RSF1: variants seen among roughly 807,000 people sequenced by gnomAD.
The protein encoded by RSF1 is remodeling and spacing factor 1.
In RSF1, 13 loss-of-function variants were observed where a neutral mutation model predicts 145.2. The ratio of observed to expected loss-of-function variants is 0.09; its 90% CI spans 0.06 to 0.14. The LOEUF (loss-of-function observed/expected upper bound fraction) is 0.14. RSF1 is among the 10% of genes least tolerant of loss of function. RSF1 has a pLI of 1.00. For synonymous variants in RSF1, 577 were observed against 592.6 expected (o/e 0.97, Z 0.38); for missense variants, 1,517 against 1,718.2 (o/e 0.88, Z 2.07).
intron 5 of RSF1, 124 bp downstream of exon 5, chr11:77,725,421 C>T (rs1961030474): frequency 6.2e-6 from 5 of 807,356 alleles, no homozygotes; most frequent in Non-Finnish European, 8.5e-6. Context: ...AATCAACCTC[C>T]TTTTATAAGA....
intron 1 of RSF1, among the ~76,000 whole-genome samples, chr11:77,766,517 G>C (rs1487666932): frequency 6.6e-6 from 1 of 152,144 alleles, no homozygotes. Flanking sequence ...GGGGGTGGGA[G>C]TGGGGAACAG....
the RSF1 span, among the ~76,000 whole-genome samples, chr11:77,831,738 C>A: frequency 6.6e-6 from 1 of 151,096 alleles, no homozygotes; most frequent in Non-Finnish European, 1.5e-5. Context: ...CTCTGTCACC[C>A]AGGCTGGAGT....
chr11:77,756,362 A>G lies in RSF1; in HGVS notation c.279+8236T>C, dbSNP rs1041979950. 4.2e-3 allele frequency among the ~76,000 whole-genome samples: 642 copies of G among 151,372 alleles called. 2 individuals are homozygous for G. The highest frequency in any genetic ancestry group is 0.015 in the African/African-American group (609 of 41,434). On this transcript the variant is annotated intron_variant, in intron 2 of 15. Transcript: ENST00000308488. Reference sequence around the variant, plus strand: ...AACAAGAGCAAAACTCTGTCTCAAAAAAAAAAAAAAAAAAGAAAAACTTTT... The same window carrying G: ...AACAAGAGCAAAACTCTGTCTCAAAGAAAAAAAAAAAAAAGAAAAACTTTT...
At chr11:77,711,926 T>C (rs1960694968) in intron 5 of RSF1, among the ~76,000 whole-genome samples, 1 of 152,202 alleles carries the variant, frequency 6.6e-6, no homozygotes, top group East Asian at 1.9e-4. Flanking sequence ...ATTCTTTCTT[T>C]GTCTCTTCTG....
the RSF1 span, among the ~76,000 whole-genome samples, chr11:77,859,648 T>C: frequency 1.3e-5 from 2 of 152,224 alleles, no homozygotes; most frequent in Non-Finnish European, 2.9e-5. Flanking sequence ...ACCCCGCATT[T>C]TGAAGTCCTT....
At chr11:77,799,501 C>T (rs7947859) in intron 1 of RSF1, among the ~76,000 whole-genome samples, 24,643 of 141,588 alleles carry the variant, frequency 0.17, 2,721 homozygotes, top group African/African-American at 0.3. Context: ...GAGACCCTGT[C>T]TCCAAAAAAA....
rs185989607 is a variant in RSF1 at position 77,786,447 on chromosome 11, C to G, written c.188-21758G>C. 4.0e-3 allele frequency among the ~76,000 whole-genome samples: 613 copies of G among 152,204 alleles called. 12 individuals carry two copies. Among genetic ancestry groups the G allele is most frequent in the East Asian group, 2.9e-3 (15 of 5,194 alleles). Reference sequence around the variant, plus strand: ...TTTAAAATGGCTGGAGCCTTGGACACCTTTTCACTCAAGCCAGGAGTACCC... The same window carrying G: ...TTTAAAATGGCTGGAGCCTTGGACAGCTTTTCACTCAAGCCAGGAGTACCC... On this transcript the variant is annotated intron_variant, in intron 1 of 15. Coordinates refer to ENST00000308488, the MANE Select transcript of RSF1 (RefSeq NM_016578.4).
intron 1 of RSF1, among the ~76,000 whole-genome samples, chr11:77,818,475 T>C (rs1305862561): frequency 1.3e-5 from 2 of 152,150 alleles, no homozygotes; most frequent in African/African-American, 4.8e-5. Flanking sequence ...TACTTCACAA[T>C]GACTACCTTC....
intron 1 of RSF1, among the ~76,000 whole-genome samples, chr11:77,797,221 G>C (rs1417801246): frequency 6.6e-6 from 1 of 152,186 alleles, no homozygotes; most frequent in African/African-American, 2.4e-5. Flanking sequence ...TGGGCAAGAA[G>C]AACAAAGCTG....
chr11:77,782,300 G>C (rs1305022896), intron 1 of RSF1, among the ~76,000 whole-genome samples: 1 of 151,944 alleles, frequency 6.6e-6, no homozygotes, highest in African/African-American at 2.4e-5. Context: ...CAACACTTTG[G>C]GAGGCTGAGG....
chr11:77,823,015 A>T (rs1033517633), upstream of RSF1, among the ~76,000 whole-genome samples: 6 of 152,094 alleles, frequency 3.9e-5, no homozygotes, highest in African/African-American at 1.4e-4. Context: ...GGAGATCAAG[A>T]CCATCCTGGC....
intron 6 of RSF1, among the ~76,000 whole-genome samples, chr11:77,700,349 C>CAAAAAAAAAAAAAAAA (rs71046906): frequency 4.2e-5 from 2 of 47,196 alleles, no homozygotes; most frequent in African/African-American, 1.5e-4. Context: ...GACTGTCTCA[C>CAAAAAAAAAAAAAAAA]AAAAAAAAAA....
chr11:77,858,739 G>A, the RSF1 span, among the ~76,000 whole-genome samples: 22 of 152,258 alleles, frequency 1.4e-4, no homozygotes, highest in African/African-American at 3.9e-4. Flanking sequence ...AGATTTCCTT[G>A]GGAGGGATGC....
chr11:77,669,794 C>T (rs995650999), intron 15 of RSF1, among the ~76,000 whole-genome samples: 1 of 152,174 alleles, frequency 6.6e-6, no homozygotes, highest in African/African-American at 2.4e-5. Flanking sequence ...AGGCAACAGA[C>T]AATATGTAAA....
chr11:77,834,555 C>T, the RSF1 span, among the ~76,000 whole-genome samples: 1 of 146,368 alleles, frequency 6.8e-6, no homozygotes, highest in South Asian at 2.2e-4. Flanking sequence ...GCTGGAATTA[C>T]AAGTACATAC....
intron 14 of RSF1, among the ~76,000 whole-genome samples, chr11:77,672,792 C>T (rs1006505890): frequency 2.6e-5 from 4 of 152,144 alleles, no homozygotes; most frequent in African/African-American, 7.2e-5. Context: ...AAGCAATTCC[C>T]CTGCCTCAGC....
Position 77,729,895 on chromosome 11 carries a change from C to CAAAAAAAAAAAAAAAAAAAAAAAAAAAA in RSF1, c.579-4224_579-4197dup, listed in dbSNP as rs398045289. ...TATAAATGCCAAATTATTCAGTAGG[C>CAAAAAAAAAAAAAAAAAAAAAAAAAAAA]AAAAAAAAAAAAAAAAAAAAAAAAA... On this transcript the variant is annotated intron_variant, in intron 4 of 15. Coordinates refer to ENST00000308488, the MANE Select transcript of RSF1 (RefSeq NM_016578.4). 5.5e-4 allele frequency among the ~76,000 whole-genome samples: 27 copies of CAAAAAAAAAAAAAAAAAAAAAAAAAAAA among 48,938 alleles called. 3 individuals are homozygous for CAAAAAAAAAAAAAAAAAAAAAAAAAAAA. Among genetic ancestry groups the CAAAAAAAAAAAAAAAAAAAAAAAAAAAA allele is most frequent in the East Asian group, 1.5e-3 (2 of 1,324 alleles). 32.1% of individuals were successfully genotyped at this position (48,938 alleles called of 152,430 possible).
chr11:77,851,806 G>A, the RSF1 span, among the ~76,000 whole-genome samples: 1 of 152,112 alleles, frequency 6.6e-6, no homozygotes, highest in African/African-American at 2.4e-5. Flanking sequence ...TGTACAGCCT[G>A]CAGAACTGTG....
the RSF1 span, chr11:77,841,317 T>C: frequency 1.5e-6 from 1 of 679,678 alleles, no homozygotes; most frequent in Non-Finnish European, 2.7e-6. Flanking sequence ...AAACTAAATC[T>C]ATGAATTCTC....
Sources: allele counts gnomAD v4.1 joint callset (sites outside exome capture counted in the v4.1 genomes callset), GRCh38; gene constraint gnomAD v4.1.1; transcripts MANE v1.5; gene names NCBI Gene and HGNC (gene_info 2026-07-23, HGNC 2026-07-21).